Variants in GCN1 observed in about 807,000 individuals in gnomAD.
GCN1 encodes stalled ribosome sensor GCN1.
A neutral mutation model predicts 288.4 loss-of-function variants in GCN1; 90 were observed. The observed-to-expected ratio is 0.31, with a 90% CI of 0.26 to 0.37. GCN1 has a LOEUF of 0.37. Among genes scored for constraint, GCN1 ranks in the 10% least tolerant of loss-of-function variants. GCN1 has a pLI of 1.00. For missense variants in GCN1, 2,586 were observed against 3,419.9 expected, an observed-to-expected ratio of 0.76 and a Z score of 6.08; for synonymous variants, 1,386 against 1,420.2, an observed-to-expected ratio of 0.98 and a Z score of 0.54.
rs1282610399 is a variant in GCN1 at position 120,144,321 on chromosome 12, T to C, written c.5480A>G (p.Asp1827Gly). 3 of 1,614,054 alleles carry C rather than the reference T, an allele frequency of 1.9e-6. No individual in the cohort carries two copies. Among genetic ancestry groups the C allele is most frequent in the Non-Finnish European group, 2.5e-6 (3 of 1,180,028 alleles). ...AAGTTCTCACCTGATTCTCCAAAGGTCATCAAAGAGGCCTTGCTCTAGCTG... is the reference window on the plus strand; with the variant it reads ...AAGTTCTCACCTGATTCTCCAAAGGCCATCAAAGAGGCCTTGCTCTAGCTG... ...LPQLEQGLFD[D>G]LWRIRFSSVQ... The change falls in exon 42 of 58, where the codon GAC becomes GGC. Residue 1827 changes from aspartate (D) to glycine (G), a missense_variant. Physicochemically the swap from Asp to Gly is moderately conservative, Grantham distance 94. Coordinates refer to ENST00000300648, the MANE Select transcript of GCN1 (RefSeq NM_006836.2). The surrounding 1 kb of genome is among the most constrained non-coding windows in gnomAD (Gnocchi z 4.7).
intron 20 of GCN1, 151 bp downstream of exon 20, chr12:120,162,696 A>T: frequency 1.2e-6 from 1 of 866,930 alleles, no homozygotes; most frequent in Admixed American, 2.7e-5. Flanking sequence ...TTTGTGCTTA[A>T]ACCAGTTTAC....
intron 2 of GCN1, among the ~76,000 whole-genome samples, chr12:120,185,803 G>A (rs1472954370): frequency 6.6e-6 from 1 of 152,076 alleles, no homozygotes; most frequent in Non-Finnish European, 1.5e-5. Flanking sequence ...GTTTCACCAC[G>A]TTGGCCATGC....
In GCN1 at chr12:120,179,015, T is replaced by C. The variant is rs115260960; in HGVS notation, c.427-65A>G. On this transcript the variant is annotated intron_variant, in intron 5 of 57. Coordinates refer to ENST00000300648, the MANE Select transcript of GCN1 (RefSeq NM_006836.2). ...GAGACTGAGGGTCCCATGGCTCTCA[T>C]AGCCTGTAAAGACCTCCATCAGACC... is the stretch of plus-strand genomic sequence containing the variant. 2,433 of 1,359,930 alleles carry C rather than the reference T, an allele frequency of 1.8e-3. 30 individuals carry two copies. The African/African-American group carries it at 0.03, about 17-fold the overall frequency. The allele number at this position is 1,359,930 out of a possible 1,614,324, so 84.2% of individuals were successfully genotyped here. A position where few individuals can be genotyped will look rare whatever the true frequency, so the allele number is the denominator to read the frequency against.
rs553695740 is a variant in GCN1, at chr12:120,138,758, C to T, written c.6093G>A (p.Gln2031=). 3 of 1,614,230 alleles carry T rather than the reference C, an allele frequency of 1.9e-6. No individual in the cohort carries two copies. The highest frequency in any genetic ancestry group is 1.7e-5 in the Admixed American group (1 of 60,032). Residue 2031 remains glutamine (Q), a synonymous_variant, in exon 46 of 58, where the codon CAG becomes CAA. Coordinates refer to ENST00000300648, the MANE Select transcript of GCN1 (RefSeq NM_006836.2). ...CCTGGTGGCCGATGGTGGAATGCAGCTGCTCGAAAGTCTTGGCTGCCGCCT... is the reference window on the plus strand; with the variant it reads ...CCTGGTGGCCGATGGTGGAATGCAGTTGCTCGAAAGTCTTGGCTGCCGCCT... ...VREAAAKTFE[Q]LHSTIGHQAL... is the part of the protein sequence containing the mutation.
chr12:120,172,786 G>A (rs1482826133), intron 14 of GCN1, among the ~76,000 whole-genome samples: 3 of 152,180 alleles, frequency 2.0e-5, no homozygotes, highest in Non-Finnish European at 4.4e-5. Flanking sequence ...TGGTAGGCGT[G>A]AGCCACTGTG....
intron 26 of GCN1, chr12:120,157,199 T>C (rs1034348188): frequency 2.0e-5 from 10 of 497,060 alleles, no homozygotes; most frequent in African/African-American, 1.8e-4. Flanking sequence ...AACTAAATTC[T>C]GAAACTTGCT....
intron 7 of GCN1, 106 bp from the exon 8 acceptor site, chr12:120,177,858 C>T (rs1237164024): frequency 2.4e-6 from 2 of 828,424 alleles, no homozygotes; most frequent in East Asian, 2.4e-5. Context: ...CAAATCAATG[C>T]CCCAAATTTC....
At chr12:120,149,100 G>GGT (rs1555300302) in intron 36 of GCN1, among the ~76,000 whole-genome samples, 2 of 151,872 alleles carry the variant, frequency 1.3e-5, no homozygotes, top group African/African-American at 4.8e-5. Flanking sequence ...GCTTTCCTGG[G>GGT]GGGGGAAAAC....
In GCN1 at chr12:120,151,363, G is replaced by A. The variant is rs769837768; in HGVS notation, c.4091C>T (p.Pro1364Leu). Residue 1364 changes from proline to leucine, a missense_variant, in exon 34 of 58, where the codon CCA becomes CTA. This residue lies in a region of GCN1 where 332 missense variants were observed against 403.0 expected (regional missense o/e 0.82). Transcript: ENST00000300648. ...QVQESVASCLPPLVPAIKEDA... is the reference protein window; with the variant it reads ...QVQESVASCLLPLVPAIKEDA... ...CTCCTTGATGGCTGGCACAAGGGGT[G>A]GCAAGCAGCTGGCTACGGACTCCTG... 1.2e-6 allele frequency: 2 copies of A among 1,613,712 alleles called. No individual in the cohort carries two copies. Among genetic ancestry groups the A allele is most frequent in the Non-Finnish European group, 1.7e-6 (2 of 1,179,884 alleles).
rs375423429 is a variant in GCN1 at position 120,137,233 on chromosome 12, A to T, written c.6750T>A (p.His2250Gln). The T allele has an allele frequency of 4.3e-6, 7 of 1,613,978 alleles. No homozygotes were observed. The highest frequency in any genetic ancestry group is 5.9e-6 in the Non-Finnish European group (7 of 1,179,976). The change falls in exon 50 of 58, where the codon CAT (histidine) becomes CAA (glutamine). Residue 2250 changes from histidine (H) to glutamine (Q), a missense_variant. Physicochemically the swap from His to Gln is conservative, Grantham distance 24. Transcript: ENST00000300648. The surrounding 1 kb of genome is among the most constrained non-coding windows in gnomAD (Gnocchi z 5.2). ...TCTTCGGGAGGCAGAATCCTGGCAC[A>T]TGCTCGCCTTTGCTCTCGTTCCCTA... is the stretch of plus-strand genomic sequence containing the variant. ...RLIGNESKGEHVPGFCLPKKG... is the reference protein window; with the variant it reads ...RLIGNESKGEQVPGFCLPKKG...
rs1409328872 is a variant in GCN1 at position 120,159,889 on chromosome 12, G to A, written c.2685C>T (p.Pro895=). Residue 895 remains proline (P), a synonymous_variant, in exon 24 of 58, where the codon CCC becomes CCT. Coordinates refer to ENST00000300648, the MANE Select transcript of GCN1 (RefSeq NM_006836.2). ...LPLLKSPLAA[P]RIKNPFLSLA... is the part of the protein sequence containing the mutation. ...AGGACAAGAAGGGGTTCTTGATCCT[G>A]GGAGCAGCCAGGGGAGACTTCAGCA... is the stretch of plus-strand genomic sequence containing the variant. 6 of 1,614,172 alleles carry A rather than the reference G, an allele frequency of 3.7e-6. No individual in the cohort carries two copies. Among genetic ancestry groups the A allele is most frequent in the South Asian group, 1.1e-5 (1 of 91,080 alleles).
Position 120,156,374 on chromosome 12 carries a change from G to A in GCN1, c.3312+87C>T. 1.5e-6 allele frequency: 2 copies of A among 1,340,070 alleles called. No homozygotes were observed. Among genetic ancestry groups the A allele is most frequent in the Non-Finnish European group, 2.1e-6 (2 of 952,324 alleles). 83.0% of individuals were successfully genotyped at this position (1,340,070 alleles called of 1,614,324 possible). On this transcript the variant is annotated intron_variant, in intron 28 of 57. Coordinates refer to ENST00000300648, the MANE Select transcript of GCN1 (RefSeq NM_006836.2). The surrounding 1 kb of genome is among the most constrained non-coding windows in gnomAD (Gnocchi z 5.8). The stretch of plus-strand genomic sequence containing the variant: ...CCTCTAGGCCTCCCACCAGAGTGAG[G>A]GACATTCTCTCAAATGCCCATCATG...
At chr12:120,192,509 CA>C (rs1179320685) in intron 1 of GCN1, among the ~76,000 whole-genome samples, 4 of 151,592 alleles carry the variant, frequency 2.6e-5, no homozygotes, top group Admixed American at 2.0e-4. Flanking sequence ...AGGCAGATCA[CA>C]AGGTCAGGAG....
intron 12 of GCN1, 80 bp from the exon 13 acceptor site, chr12:120,174,249 A>G (rs1878401380): frequency 1.3e-6 from 1 of 784,926 alleles, no homozygotes; most frequent in East Asian, 2.5e-5. Flanking sequence ...CCACCTCCGC[A>G]CTCTGGGTCA....
In GCN1 at chr12:120,178,862, A is replaced by T; in HGVS notation, c.515T>A (p.Leu172Gln). 6.2e-7 allele frequency: 1 copy of T among 1,614,164 alleles called. No homozygotes were observed. The highest frequency in any genetic ancestry group is 8.5e-7 in the Non-Finnish European group (1 of 1,179,992). Residue 172 changes from leucine to glutamine, a missense_variant, in exon 6 of 58, where the codon CTG (leucine) becomes CAG (glutamine). By Grantham distance (113) the Leu-to-Gln change is moderately radical. Coordinates refer to ENST00000300648, the MANE Select transcript of GCN1 (RefSeq NM_006836.2). The stretch of plus-strand genomic sequence containing the variant: ...CTGCAGTCCTGTCACCTCTTTCCAC[A>T]GCTTCGTGAGTTTCTTCACAGCACC... ...VDGAVKKLTK[L>Q]WKENPGLVEQ...
chr12:120,135,042 T>C (rs965828422), intron 51 of GCN1, among the ~76,000 whole-genome samples: 2 of 152,224 alleles, frequency 1.3e-5, no homozygotes, highest in Admixed American at 6.5e-5. Flanking sequence ...TATCGATAAG[T>C]GACTCAAATC....
Position 120,163,060 on chromosome 12 carries a change from A to C in GCN1, c.2038+10T>G. ...CTCTGGGCTCTCCCACACCCACCGC[A>C]GCCACGGACCTAAGGATGGGTGGTG... On this transcript the variant is annotated intron_variant, in intron 19 of 57. Coordinates refer to ENST00000300648, the MANE Select transcript of GCN1 (RefSeq NM_006836.2). 1 of 1,613,690 alleles carries C rather than the reference A, an allele frequency of 6.2e-7. No individual in the cohort carries two copies. The highest frequency in any genetic ancestry group is 8.5e-7 in the Non-Finnish European group (1 of 1,179,568).
In GCN1 at chr12:120,147,256, G is replaced by A; in HGVS notation, c.4743C>T (p.Leu1581=). 6.3e-7 allele frequency: 1 copy of A among 1,599,324 alleles called. No individual in the cohort carries two copies. The highest frequency in any genetic ancestry group is 8.6e-7 in the Non-Finnish European group (1 of 1,169,190). The part of the protein sequence containing the change: ...NPEILAIAPV[L]LDALTDPSRK... ...TGGAGGGATCCGTCAGGGCATCCAGGAGGACTGGAGCAATGGCTGCACATC... is the reference window on the plus strand; with the variant it reads ...TGGAGGGATCCGTCAGGGCATCCAGAAGGACTGGAGCAATGGCTGCACATC... Residue 1581 remains leucine, a synonymous_variant, in exon 38 of 58, where the codon CTC becomes CTT. Coordinates refer to ENST00000300648, the MANE Select transcript of GCN1 (RefSeq NM_006836.2).
At position 120,148,198 on chromosome 12, in the gene GCN1, G is replaced by A. The variant is rs1877422314; in HGVS notation, c.4695C>T (p.Ile1565=). ...QKAGQQALRQ[I]GSVIRNPEIL... ...TCTCCGGGTTCCTGATAACGGAGCCGATCTGCCTGAGCGCCTGCTGTCCAG... is the reference window on the plus strand; with the variant it reads ...TCTCCGGGTTCCTGATAACGGAGCCAATCTGCCTGAGCGCCTGCTGTCCAG... Residue 1565 remains isoleucine (I), a synonymous_variant, in exon 37 of 58, where the codon ATC becomes ATT. Coordinates refer to ENST00000300648, the MANE Select transcript of GCN1 (RefSeq NM_006836.2). 5.0e-6 allele frequency: 8 copies of A among 1,613,800 alleles called. No individual in the cohort carries two copies. Among genetic ancestry groups the A allele is most frequent in the African/African-American group, 1.3e-5 (1 of 75,034 alleles).
Sources: gnomAD v4.1 joint callset for allele counts (sites outside exome capture counted in the v4.1 genomes callset) on GRCh38, gnomAD v4.1.1 for gene constraint, gnomAD v4.1.1 regional missense constraint, Gnocchi (gnomAD v3.1) non-coding constraint, MANE v1.5 for transcripts, NCBI Gene and HGNC (gene_info 2026-07-23, HGNC 2026-07-21) for gene names.